The following UNC13C variants were observed in gnomAD, a reference collection of about 807,000 sequenced individuals.
UNC13C encodes unc-13 homolog C, also known as protein unc-13 homolog C.
In UNC13C, 174 loss-of-function variants were observed where a neutral mutation model predicts 245.4. The observed-to-expected ratio is 0.71, with a 90% CI of 0.63 to 0.80. UNC13C has a LOEUF of 0.80. Ranked by LOEUF, UNC13C falls within the 30% of genes least tolerant of loss-of-function variation. The pLI is 0.00. For synonymous variants in UNC13C, 992 were observed against 895.1 expected (o/e 1.11, Z -1.93); for missense variants, 2,829 against 2,602.9 (o/e 1.09, Z -1.89).
At chr15:53,929,118 G>A in the UNC13C span, among the ~76,000 whole-genome samples, 7,145 of 152,240 alleles carry the variant, frequency 0.047, 323 homozygotes, top group East Asian at 0.21. Flanking sequence ...CACAATCCTG[G>A]CAGAAGGCAA....
At chr15:54,182,275 G>C (rs977783678) in intron 4 of UNC13C, among the ~76,000 whole-genome samples, 3 of 151,908 alleles carry the variant, frequency 2.0e-5, no homozygotes, top group Non-Finnish European at 4.4e-5. Context: ...GCTTTTTTCT[G>C]CATCTATTGA....
the UNC13C span, among the ~76,000 whole-genome samples, chr15:53,966,455 T>G: frequency 0.14 from 20,553 of 152,104 alleles, 2,024 homozygotes; most frequent in African/African-American, 0.28. Flanking sequence ...ATTCCTTGAG[T>G]TTTTAAATGT....
At chr15:54,618,051 A>G (rs145617882) in intron 30 of UNC13C, among the ~76,000 whole-genome samples, 20 of 152,264 alleles carry the variant, frequency 1.3e-4, no homozygotes, top group African/African-American at 4.8e-4. Flanking sequence ...ATTACCAATT[A>G]AAAGCATTAT....
intron 10 of UNC13C, 67 bp downstream of exon 10, chr15:54,265,563 C>A (rs1567145868): frequency 4.3e-6 from 5 of 1,165,674 alleles, no homozygotes; most frequent in Non-Finnish European, 5.7e-6. Flanking sequence ...GACAGGCATA[C>A]AAAGGATGCA....
chr15:54,090,083 C>T (rs372136547), intron 2 of UNC13C, among the ~76,000 whole-genome samples: 4 of 152,280 alleles, frequency 2.6e-5, no homozygotes, highest in East Asian at 1.9e-4. Context: ...ACATTTCTTT[C>T]TCCGAAGACA....
At chr15:54,406,682 T>C (rs2040300622) in intron 18 of UNC13C, among the ~76,000 whole-genome samples, 1 of 152,214 alleles carries the variant, frequency 6.6e-6, no homozygotes, top group Admixed American at 6.5e-5. Context: ...AATTATGGAA[T>C]TTCCACAGTA....
chr15:54,200,044 GACAAA>G (rs2034474652), intron 4 of UNC13C, among the ~76,000 whole-genome samples: 1 of 151,060 alleles, frequency 6.6e-6, no homozygotes, highest in South Asian at 2.1e-4. Context: ...TCTTATATCA[GACAAA>G]ACAAACTTTA....
the UNC13C span, among the ~76,000 whole-genome samples, chr15:53,966,086 T>G: frequency 3.3e-5 from 5 of 152,172 alleles, no homozygotes; most frequent in Admixed American, 3.3e-4. Flanking sequence ...TCTTCTGAAA[T>G]GTATTTGTTA....
the UNC13C span, among the ~76,000 whole-genome samples, chr15:53,906,930 A>G: frequency 6.6e-6 from 1 of 152,090 alleles, no homozygotes; most frequent in African/African-American, 2.4e-5. Flanking sequence ...TCTCGTGAGA[A>G]CTCACTCACG....
chr15:54,515,991 G>A lies in UNC13C; in HGVS notation c.5457+4161G>A, dbSNP rs191472223. Among the ~76,000 whole-genome samples, 239 of 152,256 alleles carry A rather than the reference G, an allele frequency of 1.6e-3. 1 individual carries two copies. The highest frequency in any genetic ancestry group is 0.014 in the Admixed American group (215 of 15,288). ...CCATCATTTTAAAAATATGGATATT[G>A]TAATGGTCAACTAAATTATCCTTTT... On this transcript the variant is annotated intron_variant, in intron 24 of 32. Coordinates refer to ENST00000260323, the MANE Select transcript of UNC13C (RefSeq NM_001080534.3).
At chr15:54,478,987 G>T (rs1462983234) in intron 19 of UNC13C, among the ~76,000 whole-genome samples, 4 of 152,088 alleles carry the variant, frequency 2.6e-5, no homozygotes, top group Admixed American at 6.6e-5. Context: ...TTATGAATCT[G>T]GGTGCTCCTG....
chr15:54,367,306 CA>C lies in UNC13C; in HGVS notation c.4714-25741del, dbSNP rs1236537105. ...GTAGCTCTCCCTGCAACTATATTTA[CA>C]TTTTCCAATCCTACCTATTCATAAA... On this transcript the variant is annotated intron_variant, in intron 17 of 32. Coordinates refer to ENST00000260323, the MANE Select transcript of UNC13C (RefSeq NM_001080534.3). 4.6e-5 allele frequency among the ~76,000 whole-genome samples: 7 copies of C among 152,250 alleles called. No homozygotes were observed. In the South Asian group the frequency reaches 1.5e-3, roughly 32 times the overall value.
At chr15:54,064,762 G>T (rs980921403) in intron 2 of UNC13C, among the ~76,000 whole-genome samples, 1 of 152,092 alleles carries the variant, frequency 6.6e-6, no homozygotes, top group Admixed American at 6.6e-5. Context: ...TCACTTTCAG[G>T]AAACAGGCTT....
chr15:54,502,985 A>G (rs1894296350), intron 22 of UNC13C, among the ~76,000 whole-genome samples: 2 of 152,146 alleles, frequency 1.3e-5, no homozygotes, highest in Admixed American at 6.6e-5. Flanking sequence ...GGGTATAACC[A>G]AATGTACTGA....
chr15:54,199,133 T>C (rs2034446826), intron 4 of UNC13C, among the ~76,000 whole-genome samples: 1 of 151,768 alleles, frequency 6.6e-6, no homozygotes, highest in Non-Finnish European at 1.5e-5. Context: ...ACCCAATCCA[T>C]CAAAGACAAA....
At chr15:54,042,255 A>G (rs1896837456) in intron 2 of UNC13C, among the ~76,000 whole-genome samples, 1 of 152,358 alleles carries the variant, frequency 6.6e-6, no homozygotes, top group Middle Eastern at 3.4e-3. Flanking sequence ...CTTATTTTTG[A>G]CATAAAGCAT....
At chr15:54,113,077 T>C (rs1293505505) in intron 2 of UNC13C, among the ~76,000 whole-genome samples, 1 of 134,832 alleles carries the variant, frequency 7.4e-6, no homozygotes. Flanking sequence ...CTTTATCATG[T>C]TAGGCGAGAT....
intron 30 of UNC13C, among the ~76,000 whole-genome samples, chr15:54,594,771 A>C (rs1851010): frequency 0.77 from 117,891 of 152,160 alleles, 46,549 homozygotes; most frequent in African/African-American, 0.94. Flanking sequence ...TTCAGCTTCC[A>C]CAGTAGGGAT....
rs145926524 is a variant in UNC13C at position 54,084,779 on chromosome 15, A to G, written c.2984-58239A>G. 8.5e-5 allele frequency among the ~76,000 whole-genome samples: 13 copies of G among 152,292 alleles called. No homozygotes were observed. The East Asian group carries it at 2.5e-3, about 29-fold the overall frequency. ...AATTATCTTCTCTGTCAGAAGAAATACTCTCTTCTCATATAGATGAGATCC... is the reference window on the plus strand; with the variant it reads ...AATTATCTTCTCTGTCAGAAGAAATGCTCTCTTCTCATATAGATGAGATCC... On this transcript the variant is annotated intron_variant, in intron 2 of 32. Coordinates refer to ENST00000260323, the MANE Select transcript of UNC13C (RefSeq NM_001080534.3).
Sources: allele counts gnomAD v4.1 joint callset (sites outside exome capture counted in the v4.1 genomes callset), GRCh38; gene constraint gnomAD v4.1.1; transcripts MANE v1.5; gene names NCBI Gene and HGNC (gene_info 2026-07-23, HGNC 2026-07-21).